GNG7: variants seen among roughly 807,000 people sequenced by gnomAD.
GNG7 encodes G protein subunit gamma 7, also known as guanine nucleotide-binding protein G(I)/G(S)/G(O) subunit gamma-7.
GNG7 carries 1 observed loss-of-function variant against 4.0 expected under a neutral mutation model. That is an observed-to-expected ratio of 0.25 (90% CI 0.09 to 1.18). The LOEUF (loss-of-function observed/expected upper bound fraction) is 1.18. Ranked by LOEUF, GNG7 falls within the 50% of genes most tolerant of loss-of-function variation. GNG7 has a pLI of 0.50. For synonymous variants in GNG7, 34 were observed against 36.9 expected, an observed-to-expected ratio of 0.92 and a Z score of 0.29; for missense variants, 86 against 91.9, an observed-to-expected ratio of 0.94 and a Z score of 0.26.
rs142973687 is a variant in GNG7, at chr19:2,565,675, C to T, written c.-77-10487G>A. Among the ~76,000 whole-genome samples the T allele has an allele frequency of 9.8e-3, 1,489 of 152,212 alleles. 4 individuals are homozygous for T. The highest frequency in any genetic ancestry group is 0.017 in the Middle Eastern group (5 of 294). On this transcript the variant is annotated intron_variant, in intron 2 of 4. Coordinates refer to ENST00000382159, the MANE Select transcript of GNG7 (RefSeq NM_052847.3). ...ATCACTGGGAGAGGCCCATCCCACC[C>T]GGAAGAACCTGATTGAGTGGTCTGG... is the stretch of plus-strand genomic sequence containing the variant.
In GNG7 at chr19:2,552,857, C is replaced by CCA. The variant is rs1555693078; in HGVS notation, c.-38+2291_-38+2292insTG. 4.6e-4 allele frequency among the ~76,000 whole-genome samples: 68 copies of CCA among 147,848 alleles called. 2 individuals carry two copies. The highest frequency in any genetic ancestry group is 8.7e-4 in the South Asian group (4 of 4,622). ...AAACCATCCTCCCGGCTCCACCCCC[C>CCA]CCACCTCCCCACTGTCTGTGGAAAA... On this transcript the variant is annotated intron_variant, in intron 3 of 4. Coordinates refer to ENST00000382159, the MANE Select transcript of GNG7 (RefSeq NM_052847.3).
At chr19:2,564,186 A>G (rs1478298502) in intron 2 of GNG7, among the ~76,000 whole-genome samples, 1 of 152,146 alleles carries the variant, frequency 6.6e-6, no homozygotes, top group Non-Finnish European at 1.5e-5. Context: ...CTTCTCAGAG[A>G]TGGGGTCTCT....
At chr19:2,667,781 G>C (rs1030283511) in intron 1 of GNG7, among the ~76,000 whole-genome samples, 5 of 152,192 alleles carry the variant, frequency 3.3e-5, no homozygotes, top group African/African-American at 1.2e-4. Flanking sequence ...CGGGCATGGT[G>C]GTGGGTGCCT....
chr19:2,525,136 G>C (rs1256199106), intron 3 of GNG7, among the ~76,000 whole-genome samples: 2 of 152,200 alleles, frequency 1.3e-5, no homozygotes, highest in Non-Finnish European at 2.9e-5. Flanking sequence ...CTGCCTCCCT[G>C]CAGAGGCGCA....
intron 1 of GNG7, among the ~76,000 whole-genome samples, chr19:2,668,625 C>A (rs1262002211): frequency 1.3e-5 from 2 of 152,146 alleles, no homozygotes; most frequent in South Asian, 2.1e-4. Flanking sequence ...TCAATGAATG[C>A]CTGCTAAGGG....
At chr19:2,610,220 G>A (rs1981518287) in intron 2 of GNG7, 1 of 151,758 alleles carries the variant, frequency 6.6e-6, no homozygotes, top group Non-Finnish European at 1.5e-5. Flanking sequence ...GAGTGCAGTG[G>A]TGCAATCATG....
chr19:2,651,214 C>A (rs944720343), intron 1 of GNG7, among the ~76,000 whole-genome samples: 8 of 151,788 alleles, frequency 5.3e-5, no homozygotes, highest in African/African-American at 1.7e-4. Flanking sequence ...TTCTCCAGAT[C>A]TCTGTCCGAC....
intron 2 of GNG7, among the ~76,000 whole-genome samples, chr19:2,563,557 G>A (rs1209847858): frequency 1.3e-5 from 2 of 152,120 alleles, no homozygotes; most frequent in African/African-American, 4.8e-5. Flanking sequence ...TTGGCTCACT[G>A]CAACCTCTGA....
At chr19:2,519,223 T>G (rs2144726706) in intron 4 of GNG7, among the ~76,000 whole-genome samples, 1 of 143,510 alleles carries the variant, frequency 7.0e-6, no homozygotes, top group East Asian at 2.2e-4. Flanking sequence ...CGATCTCGGC[T>G]CACTGCAACC....
intron 2 of GNG7, among the ~76,000 whole-genome samples, chr19:2,574,939 G>C (rs1980260771): frequency 6.6e-6 from 1 of 152,200 alleles, no homozygotes; most frequent in South Asian, 2.1e-4. Context: ...CTCCAAGGCT[G>C]CTGGCAGGCC....
intron 2 of GNG7, among the ~76,000 whole-genome samples, chr19:2,566,639 C>T (rs1235967965): frequency 6.6e-6 from 1 of 152,116 alleles, no homozygotes; most frequent in Non-Finnish European, 1.5e-5. Flanking sequence ...GTTGTAAGGC[C>T]AGGGTTGGCA....
At chr19:2,665,199 C>T (rs1325092511) in intron 1 of GNG7, among the ~76,000 whole-genome samples, 3 of 152,194 alleles carry the variant, frequency 2.0e-5, no homozygotes, top group Non-Finnish European at 4.4e-5. Flanking sequence ...AGTCTCTCCT[C>T]CCAGGCACGG....
intron 2 of GNG7, among the ~76,000 whole-genome samples, chr19:2,570,706 G>A (rs1393793713): frequency 6.6e-6 from 1 of 152,188 alleles, no homozygotes; most frequent in Non-Finnish European, 1.5e-5. Context: ...GGAGCAGACA[G>A]CGCTCCTCGG....
chr19:2,580,282 T>C (rs11672215), intron 2 of GNG7, among the ~76,000 whole-genome samples: 1 of 125,526 alleles, frequency 8.0e-6, no homozygotes, highest in Non-Finnish European at 1.6e-5. Context: ...CTCTGTCTGG[T>C]TCTATTTTTT....
At chr19:2,603,417 A>G (rs1370413086) in intron 2 of GNG7, among the ~76,000 whole-genome samples, 2 of 152,182 alleles carry the variant, frequency 1.3e-5, no homozygotes, top group Admixed American at 1.3e-4. Context: ...CTGATGCCAG[A>G]ATGAGGGGGA....
intron 2 of GNG7, chr19:2,642,455 T>G: frequency 3.0e-6 from 1 of 329,562 alleles, no homozygotes; most frequent in Non-Finnish European, 5.9e-6. Flanking sequence ...AGCCTCGACC[T>G]CCGGGGCTCA....
intron 2 of GNG7, among the ~76,000 whole-genome samples, chr19:2,597,458 G>A (rs180701254): frequency 7.7e-4 from 117 of 151,988 alleles, no homozygotes; most frequent in Non-Finnish European, 1.3e-3. Flanking sequence ...TTAGCTGGGC[G>A]TGGTGGCGGG....
rs1398672518 is a variant in GNG7, at chr19:2,525,971, A to T, written c.-37-5246T>A. On this transcript the variant is annotated intron_variant, in intron 3 of 4. Coordinates refer to ENST00000382159, the MANE Select transcript of GNG7 (RefSeq NM_052847.3). The stretch of plus-strand genomic sequence containing the variant: ...ATTACAGGTGCCTGCCTCCACGCCA[A>T]TTTTTTTTTTTTTTTTTGAGACAGA... Among the ~76,000 whole-genome samples, 256 of 75,672 alleles carry T rather than the reference A, an allele frequency of 3.4e-3. 1 individual carries two copies. The highest frequency in any genetic ancestry group is 0.014 in the African/African-American group (228 of 16,576). 49.6% of individuals were successfully genotyped at this position (75,672 alleles called of 152,430 possible).
At chr19:2,553,849 A>G (rs1979451791) in intron 3 of GNG7, among the ~76,000 whole-genome samples, 2 of 142,840 alleles carry the variant, frequency 1.4e-5, no homozygotes, top group South Asian at 4.4e-4. Context: ...TATTGCATAC[A>G]TGTACATATT....
Sources: gnomAD v4.1 joint callset for allele counts (sites outside exome capture counted in the v4.1 genomes callset) on GRCh38, gnomAD v4.1.1 for gene constraint, MANE v1.5 for transcripts, NCBI Gene and HGNC (gene_info 2026-07-23, HGNC 2026-07-21) for gene names.